EPB41L4B: variants seen among roughly 807,000 people sequenced by gnomAD.
EPB41L4B encodes erythrocyte membrane protein band 4.1 like 4B, also known as band 4.1-like protein 4B.
Under a neutral mutation model 112.5 loss-of-function variants are expected in EPB41L4B, and 30 were observed. The ratio of observed to expected loss-of-function variants is 0.27; its 90% CI spans 0.20 to 0.36. The LOEUF (loss-of-function observed/expected upper bound fraction) is 0.36. Ranked by LOEUF, EPB41L4B falls within the 10% of genes least tolerant of loss-of-function variation. The pLI is 1.00. For synonymous variants in EPB41L4B, 408 were observed against 439.7 expected (o/e 0.93, Z 0.90); for missense variants, 1,024 against 1,133.3 (o/e 0.90, Z 1.38).
At position 109,298,465 on chromosome 9, in the gene EPB41L4B, C is replaced by T. The variant is rs994783618; in HGVS notation, c.307-18544G>A. ...AGTAGCTGGGATTACAGGCGCCTGC[C>T]ACCACACCCAGCTAATTTTTGTATT... On this transcript the variant is annotated intron_variant, in intron 1 of 25. Transcript: ENST00000374566. Among the ~76,000 whole-genome samples the T allele has an allele frequency of 3.3e-5, 5 of 152,092 alleles. No individual in the cohort carries two copies. The East Asian group carries it at 9.6e-4, about 29-fold the overall frequency.
chr9:109,270,185 T>C (rs1490965127), intron 2 of EPB41L4B, among the ~76,000 whole-genome samples: 2 of 152,106 alleles, frequency 1.3e-5, no homozygotes, highest in African/African-American at 4.8e-5. Context: ...TTAAAACTGA[T>C]GTAGGCCTGT....
At chr9:109,306,607 A>AAAC (rs1564334683) in intron 1 of EPB41L4B, among the ~76,000 whole-genome samples, 1 of 149,890 alleles carries the variant, frequency 6.7e-6, no homozygotes, top group East Asian at 2.0e-4. Flanking sequence ...AGCGAGCAAA[A>AAAC]AAACAAACAA....
chr9:109,279,948 AACTT>A lies in EPB41L4B; in HGVS notation c.307-31_307-28del, dbSNP rs1835972566. 1.9e-6 allele frequency: 3 copies of A among 1,585,244 alleles called. No homozygotes were observed. The African/African-American group carries it at 4.0e-5, about 21-fold the overall frequency. ...TGGAAGACAATTGGGAAGATGAAAAAACTTAGGGTGAGACAGCTAGATAAGAAAA... is the reference window on the plus strand; with the variant it reads ...TGGAAGACAATTGGGAAGATGAAAAAAGGGTGAGACAGCTAGATAAGAAAA... On this transcript the variant is annotated intron_variant, in intron 1 of 25. Transcript: ENST00000374566.
chr9:109,270,954 G>A (rs566773515), intron 2 of EPB41L4B, among the ~76,000 whole-genome samples: 4 of 152,304 alleles, frequency 2.6e-5, no homozygotes, highest in South Asian at 2.1e-4. Flanking sequence ...CAGTGTGCCC[G>A]TTAAATATTT....
chr9:109,241,621 T>C (rs1834355589), intron 15 of EPB41L4B: 1 of 1,610,878 alleles, frequency 6.2e-7, no homozygotes, highest in Non-Finnish European at 8.5e-7. Context: ...TGGAATGCAA[T>C]GAAACTATGA....
At chr9:109,200,161 G>A in intron 20 of EPB41L4B, 75 bp downstream of exon 20, 1 of 1,285,230 alleles carries the variant, frequency 7.8e-7, no homozygotes, top group Non-Finnish European at 1.1e-6. Context: ...AGTCAGAAGG[G>A]CTAAGAAGCA....
intron 1 of EPB41L4B, among the ~76,000 whole-genome samples, chr9:109,314,171 G>T (rs1046214077): frequency 6.6e-6 from 1 of 152,212 alleles, no homozygotes; most frequent in Non-Finnish European, 1.5e-5. Flanking sequence ...GAGGCCCGGG[G>T]AGGAGCCCAC....
At chr9:109,280,465 G>A (rs1588204195) in intron 1 of EPB41L4B, among the ~76,000 whole-genome samples, 1 of 152,218 alleles carries the variant, frequency 6.6e-6, no homozygotes, top group African/African-American at 2.4e-5. Flanking sequence ...TTTTGACTAT[G>A]TGGTATACAC....
chr9:109,176,771 C>A lies in EPB41L4B; in HGVS notation c.2488-75G>T. 3 of 1,525,486 alleles carry A rather than the reference C, an allele frequency of 2.0e-6. No homozygotes were observed. In the East Asian group the frequency reaches 6.8e-5, roughly 34 times the overall value. 94.5% of individuals were successfully genotyped at this position (1,525,486 alleles called of 1,614,324 possible). A position where few individuals can be genotyped will look rare whatever the true frequency, so the allele number is the denominator to read the frequency against. ...TTCACACTGTCAGTTGCTCCCTAAG[C>A]CTTACTCTACAGTTCCTGTTCCTTT... On this transcript the variant is annotated intron_variant, in intron 24 of 25. Coordinates refer to ENST00000374566, the MANE Select transcript of EPB41L4B (RefSeq NM_019114.5).
At chr9:109,289,624 G>C (rs1836450352) in intron 1 of EPB41L4B, among the ~76,000 whole-genome samples, 1 of 152,210 alleles carries the variant, frequency 6.6e-6, no homozygotes, top group African/African-American at 2.4e-5. Flanking sequence ...CCAGGACCTG[G>C]ATGCAGAACC....
chr9:109,221,937 A>G (rs1833587382), intron 15 of EPB41L4B, among the ~76,000 whole-genome samples: 1 of 152,204 alleles, frequency 6.6e-6, no homozygotes, highest in African/African-American at 2.4e-5. Flanking sequence ...ATTCAGAAGG[A>G]GTCTGAGGTT....
chr9:109,173,508 C>T lies in EPB41L4B; in HGVS notation c.*1046G>A, dbSNP rs1831701269. On this transcript the variant is annotated 3_prime_UTR_variant, in exon 26 of 26. Coordinates refer to ENST00000374566, the MANE Select transcript of EPB41L4B (RefSeq NM_019114.5). ...TAATAATGGGGTGAAGTGAGGTTAC[C>T]CATGTTACATGGATATAAAGACATT... 1 of 152,262 alleles carries T rather than the reference C, an allele frequency of 6.6e-6. No homozygotes were observed. The highest frequency in any genetic ancestry group is 2.4e-5 in the African/African-American group (1 of 41,306). 9.4% of individuals were successfully genotyped at this position (152,262 alleles called of 1,614,324 possible).
chr9:109,302,484 G>T (rs1837006939), intron 1 of EPB41L4B, among the ~76,000 whole-genome samples: 1 of 152,116 alleles, frequency 6.6e-6, no homozygotes. Context: ...AGGTACTGGG[G>T]GTTAGGACTT....
chr9:109,195,422 G>A (rs1422372327), intron 20 of EPB41L4B, among the ~76,000 whole-genome samples: 1 of 152,204 alleles, frequency 6.6e-6, no homozygotes, highest in Non-Finnish European at 1.5e-5. Flanking sequence ...GTATGGAGAA[G>A]CCTCAAGGGA....
At chr9:109,195,623 T>G (rs545937362) in intron 20 of EPB41L4B, among the ~76,000 whole-genome samples, 1 of 152,364 alleles carries the variant, frequency 6.6e-6, no homozygotes, top group South Asian at 2.1e-4. Flanking sequence ...CAGATGATAT[T>G]TAGCAGCTGA....
intron 17 of EPB41L4B, among the ~76,000 whole-genome samples, chr9:109,209,441 A>T (rs937129273): frequency 3.3e-5 from 5 of 152,100 alleles, no homozygotes; most frequent in Non-Finnish European, 7.4e-5. Flanking sequence ...CGGGTGGATC[A>T]CTTGAGCCCA....
chr9:109,285,316 G>A (rs1034427530), intron 1 of EPB41L4B, among the ~76,000 whole-genome samples: 1 of 152,204 alleles, frequency 6.6e-6, no homozygotes, highest in African/African-American at 2.4e-5. Flanking sequence ...TCTTAGTGTA[G>A]AAGGGGCTCG....
intron 1 of EPB41L4B, among the ~76,000 whole-genome samples, chr9:109,317,856 G>C (rs1036963781): frequency 6.6e-6 from 1 of 152,166 alleles, no homozygotes; most frequent in Non-Finnish European, 1.5e-5. Flanking sequence ...TGTCAAAAAG[G>C]ACAGCATAAA....
intron 2 of EPB41L4B, among the ~76,000 whole-genome samples, chr9:109,269,618 TAAATATA>T (rs1004947978): frequency 1.3e-5 from 2 of 152,184 alleles, no homozygotes; most frequent in Admixed American, 1.3e-4. Context: ...AAATAAATAT[TAAATATA>T]AATTATTTTT....
Sources: gnomAD v4.1 joint callset for allele counts (sites outside exome capture counted in the v4.1 genomes callset) on GRCh38, gnomAD v4.1.1 for gene constraint, MANE v1.5 for transcripts, NCBI Gene and HGNC (gene_info 2026-07-23, HGNC 2026-07-21) for gene names.